NALF1: variants seen among roughly 807,000 people sequenced by gnomAD.
The protein encoded by NALF1 is NALCN channel auxiliary factor 1.
In NALF1, 3 loss-of-function variants were observed where a neutral mutation model predicts 48.4. The observed-to-expected ratio is 0.06, with a 90% CI of 0.03 to 0.16. NALF1 has a LOEUF of 0.16. Ranked by LOEUF, NALF1 falls within the 10% of genes least tolerant of loss-of-function variation. The pLI is 1.00. For synonymous variants in NALF1, 262 were observed against 245.7 expected (o/e 1.07, Z -0.62); for missense variants, 526 against 571.5 (o/e 0.92, Z 0.81).
chr13:107,659,510 ATC>A (rs1406696407), intron 1 of NALF1, among the ~76,000 whole-genome samples: 1 of 100,378 alleles, frequency 1.0e-5, no homozygotes, highest in Non-Finnish European at 2.0e-5. Flanking sequence ...TTTATTTGGC[ATC>A]TTTTTTTTTT....
rs370601346 is a variant in NALF1, at chr13:107,484,940, C to G, written c.916-274185G>C. 6.6e-5 allele frequency among the ~76,000 whole-genome samples: 10 copies of G among 152,218 alleles called. No individual in the cohort carries two copies. In the East Asian group the frequency reaches 7.8e-4, roughly 12 times the overall value. On this transcript the variant is annotated intron_variant, in intron 1 of 2. Transcript: ENST00000375915. ...GAAATCCCTTTTGCAGAGTATTTGT[C>G]TTTAGGGTATTTCCAGTGGTCAAAG... is the stretch of plus-strand genomic sequence containing the variant.
chr13:107,752,273 A>C (rs923234146), intron 1 of NALF1, among the ~76,000 whole-genome samples: 3 of 152,150 alleles, frequency 2.0e-5, no homozygotes, highest in African/African-American at 7.2e-5. Flanking sequence ...TGGCTATCAC[A>C]TGAGTATTAT....
intron 1 of NALF1, among the ~76,000 whole-genome samples, chr13:107,370,754 A>G (rs1302361955): frequency 6.6e-6 from 1 of 152,184 alleles, no homozygotes; most frequent in East Asian, 1.9e-4. Flanking sequence ...AAAAGGTTTC[A>G]CTGACTCACA....
At chr13:107,366,681 T>C (rs1193259299) in intron 1 of NALF1, among the ~76,000 whole-genome samples, 1 of 152,212 alleles carries the variant, frequency 6.6e-6, no homozygotes, top group Non-Finnish European at 1.5e-5. Context: ...AAAACAACAG[T>C]GGCTAAGCAA....
intron 1 of NALF1, among the ~76,000 whole-genome samples, chr13:107,687,235 G>A (rs1307926432): frequency 6.6e-6 from 1 of 152,018 alleles, no homozygotes; most frequent in Non-Finnish European, 1.5e-5. Context: ...GCTATAAGTG[G>A]GAGCTCAAGA....
At chr13:107,834,740 T>C (rs1045229912) in intron 1 of NALF1, among the ~76,000 whole-genome samples, 1 of 152,216 alleles carries the variant, frequency 6.6e-6, no homozygotes, top group African/African-American at 2.4e-5. Flanking sequence ...ATATTTCAAC[T>C]CTGCTAAGGT....
intron 1 of NALF1, among the ~76,000 whole-genome samples, chr13:107,851,805 C>CTTT (rs34999908): frequency 1.6e-3 from 168 of 104,660 alleles, no homozygotes; most frequent in Non-Finnish European, 2.1e-3. Flanking sequence ...CAGGCCCTTT[C>CTTT]TTTTTTTTTT....
chr13:107,814,763 T>C (rs1025872012), intron 1 of NALF1, among the ~76,000 whole-genome samples: 1 of 151,998 alleles, frequency 6.6e-6, no homozygotes, highest in Non-Finnish European at 1.5e-5. Flanking sequence ...TTTTTAATAA[T>C]TGATAGAACT....
chr13:107,830,702 G>C (rs191985218), intron 1 of NALF1, among the ~76,000 whole-genome samples: 1 of 151,960 alleles, frequency 6.6e-6, no homozygotes, highest in East Asian at 1.9e-4. Flanking sequence ...CACTCTCTCC[G>C]TGTGATCTCA....
chr13:107,849,156 T>C (rs981124744), intron 1 of NALF1, among the ~76,000 whole-genome samples: 1 of 152,246 alleles, frequency 6.6e-6, no homozygotes, highest in Non-Finnish European at 1.5e-5. Context: ...ATTTTACTGG[T>C]AATACTCTAT....
chr13:107,523,364 AT>A (rs549829668), intron 1 of NALF1, among the ~76,000 whole-genome samples: 18 of 151,810 alleles, frequency 1.2e-4, no homozygotes, highest in African/African-American at 3.9e-4. Flanking sequence ...ACAATAAGAA[AT>A]TTTTTTTAAT....
intron 1 of NALF1, among the ~76,000 whole-genome samples, chr13:107,557,456 G>C (rs1877514071): frequency 6.6e-6 from 1 of 152,086 alleles, no homozygotes; most frequent in East Asian, 1.9e-4. Context: ...TGCTGACAGA[G>C]CCAGGAGCAG....
At chr13:107,788,620 G>A (rs1037323480) in intron 1 of NALF1, 12 of 152,144 alleles carry the variant, frequency 7.9e-5, no homozygotes, top group Non-Finnish European at 1.5e-4. Flanking sequence ...GGAATCTACC[G>A]GCACATGGCC....
intron 1 of NALF1, among the ~76,000 whole-genome samples, chr13:107,856,550 T>C (rs948371375): frequency 3.3e-5 from 5 of 152,226 alleles, no homozygotes; most frequent in African/African-American, 1.2e-4. Context: ...TAAATTATTC[T>C]CACTGATAAC....
chr13:107,562,262 C>T (rs1013294746), intron 1 of NALF1, among the ~76,000 whole-genome samples: 1 of 152,202 alleles, frequency 6.6e-6, no homozygotes, highest in Non-Finnish European at 1.5e-5. Flanking sequence ...TTCTGTAACA[C>T]AGGCTATTTT....
intron 1 of NALF1, among the ~76,000 whole-genome samples, chr13:107,333,950 T>C (rs1347642569): frequency 1.3e-5 from 2 of 152,216 alleles, no homozygotes; most frequent in Non-Finnish European, 2.9e-5. Flanking sequence ...TATATCTTTA[T>C]TTTTGTATAT....
intron 1 of NALF1, among the ~76,000 whole-genome samples, chr13:107,355,122 G>A (rs142489150): frequency 9.9e-5 from 15 of 152,278 alleles, no homozygotes; most frequent in Admixed American, 4.6e-4. Flanking sequence ...TCTTTGGGCC[G>A]GTTGCCCTCA....
chr13:107,279,024 CCTTTT>C (rs1296110854), intron 1 of NALF1, among the ~76,000 whole-genome samples: 14 of 147,360 alleles, frequency 9.5e-5, no homozygotes, highest in African/African-American at 3.0e-4. Flanking sequence ...TCAGGTCTTT[CCTTTT>C]CTTTTCTTTT....
At chr13:107,435,610 A>G (rs1471082358) in intron 1 of NALF1, among the ~76,000 whole-genome samples, 5 of 152,208 alleles carry the variant, frequency 3.3e-5, no homozygotes, top group Non-Finnish European at 7.3e-5. Flanking sequence ...AAAAATTATT[A>G]CAATAGTACT....
Sources: allele counts gnomAD v4.1 joint callset (sites outside exome capture counted in the v4.1 genomes callset), GRCh38; gene constraint gnomAD v4.1.1; transcripts MANE v1.5; gene names NCBI Gene and HGNC (gene_info 2026-07-23, HGNC 2026-07-21).